LRRTM4: variants seen among roughly 807,000 people sequenced by gnomAD.
LRRTM4 encodes leucine-rich repeat transmembrane neuronal protein 4.
In LRRTM4, 25 loss-of-function variants were observed where a neutral mutation model predicts 47.6. The observed-to-expected ratio is 0.53, with a 90% CI of 0.38 to 0.73. The LOEUF (loss-of-function observed/expected upper bound fraction) is 0.73. Ranked by LOEUF, LRRTM4 falls within the 30% of genes least tolerant of loss-of-function variation. The probability of loss-of-function intolerance (pLI) is 0.00; values close to 1 mark genes in which losing one functional copy is unlikely to be tolerated. For synonymous variants in LRRTM4, 311 were observed against 269.5 expected, an observed-to-expected ratio of 1.15 and a Z score of -1.51; for missense variants, 638 against 713.4, an observed-to-expected ratio of 0.89 and a Z score of 1.20.
chr2:77,227,820 A>C lies in LRRTM4; in HGVS notation c.1551+290498T>G, dbSNP rs570247356. On this transcript the variant is annotated intron_variant, in intron 3 of 3. Transcript: ENST00000409884. ...GTTATTCTACAACCAGGATTGTTTT[A>C]ATAAATATAGTTTCTAGTCATTAAA... Among the ~76,000 whole-genome samples, 3 of 152,214 alleles carry C rather than the reference A, an allele frequency of 2.0e-5. No individual in the cohort carries two copies. In the East Asian group the frequency reaches 5.8e-4, roughly 29 times the overall value.
intron 3 of LRRTM4, among the ~76,000 whole-genome samples, chr2:77,166,353 T>A (rs543826664): frequency 1.3e-5 from 2 of 152,276 alleles, no homozygotes; most frequent in East Asian, 1.9e-4. Flanking sequence ...ATAGGAAGAA[T>A]GAATTATTGT....
chr2:77,456,826 T>C (rs1344191684), intron 3 of LRRTM4, among the ~76,000 whole-genome samples: 2 of 151,564 alleles, frequency 1.3e-5, no homozygotes, highest in Non-Finnish European at 2.9e-5. Flanking sequence ...TGAAATACTT[T>C]CTTCTCTAAT....
At chr2:77,239,242 T>C (rs1675194238) in intron 3 of LRRTM4, among the ~76,000 whole-genome samples, 1 of 151,950 alleles carries the variant, frequency 6.6e-6, no homozygotes, top group Admixed American at 6.6e-5. Flanking sequence ...CTAGTGTGCA[T>C]ACTACATGGA....
At chr2:77,384,362 A>C (rs985663812) in intron 3 of LRRTM4, among the ~76,000 whole-genome samples, 1 of 151,868 alleles carries the variant, frequency 6.6e-6, no homozygotes, top group African/African-American at 2.4e-5. Flanking sequence ...AAGTTATTTG[A>C]CTATTCAAAA....
intron 3 of LRRTM4, among the ~76,000 whole-genome samples, chr2:76,789,771 G>C (rs1430542051): frequency 6.6e-6 from 1 of 152,148 alleles, no homozygotes; most frequent in Non-Finnish European, 1.5e-5. Context: ...CAAAGAGATG[G>C]AAGTCACAGA....
At chr2:77,515,531 T>A (rs1679173486) in intron 3 of LRRTM4, among the ~76,000 whole-genome samples, 1 of 151,782 alleles carries the variant, frequency 6.6e-6, no homozygotes. Context: ...TCTTAGAAAA[T>A]TAGCATTTGG....
intron 3 of LRRTM4, among the ~76,000 whole-genome samples, chr2:77,205,163 G>T (rs953817264): frequency 6.6e-6 from 1 of 152,180 alleles, no homozygotes; most frequent in Non-Finnish European, 1.5e-5. Context: ...GAAGATATTT[G>T]AGTACCACTT....
chr2:77,287,863 G>A lies in LRRTM4; in HGVS notation c.1551+230455C>T, dbSNP rs1275682409. Among the ~76,000 whole-genome samples the A allele has an allele frequency of 2.6e-5, 4 of 152,178 alleles. No homozygotes were observed. The East Asian group carries it at 7.7e-4, about 29-fold the overall frequency. ...AGGAAAAACAACATAGTATACATAGGGTTTGGTACTATCCGTGCCTTGGGC... is the reference window on the plus strand; with the variant it reads ...AGGAAAAACAACATAGTATACATAGAGTTTGGTACTATCCGTGCCTTGGGC... On this transcript the variant is annotated intron_variant, in intron 3 of 3. Transcript: ENST00000409884.
chr2:76,773,233 C>A (rs1470007013), intron 3 of LRRTM4, among the ~76,000 whole-genome samples: 1 of 152,222 alleles, frequency 6.6e-6, no homozygotes, highest in African/African-American at 2.4e-5. Flanking sequence ...CCCCAAGTAG[C>A]AAACCCAGAT....
intron 3 of LRRTM4, among the ~76,000 whole-genome samples, chr2:76,825,011 C>A (rs553690324): frequency 6.6e-6 from 1 of 151,616 alleles, no homozygotes; most frequent in Non-Finnish European, 1.5e-5. Context: ...TTTTACTAAG[C>A]ATTTATAATG....
At chr2:77,340,236 G>A (rs1350601304) in intron 3 of LRRTM4, among the ~76,000 whole-genome samples, 1 of 151,784 alleles carries the variant, frequency 6.6e-6, no homozygotes, top group Non-Finnish European at 1.5e-5. Context: ...GCAACATAGA[G>A]TGGTGGTTGA....
chr2:77,086,706 G>T (rs1680729280), intron 3 of LRRTM4, among the ~76,000 whole-genome samples: 1 of 151,918 alleles, frequency 6.6e-6, no homozygotes, highest in African/African-American at 2.4e-5. Context: ...CACTGGCCAG[G>T]CTGGTGGCGA....
At chr2:77,475,994 C>A (rs1573464850) in intron 3 of LRRTM4, among the ~76,000 whole-genome samples, 1 of 152,042 alleles carries the variant, frequency 6.6e-6, no homozygotes, top group African/African-American at 2.4e-5. Context: ...TACCTTATCT[C>A]TTTCCTTATA....
intron 3 of LRRTM4, among the ~76,000 whole-genome samples, chr2:76,801,651 A>ACATGTGCACATGTACC (rs1675690486): frequency 6.6e-6 from 1 of 151,972 alleles, no homozygotes; most frequent in Non-Finnish European, 1.5e-5. Context: ...GTACCCTAAA[A>ACATGTGCACATGTACC]CTTAAAGTAT....
intron 3 of LRRTM4, among the ~76,000 whole-genome samples, chr2:77,323,813 C>A (rs570308431): frequency 1.3e-5 from 2 of 152,196 alleles, no homozygotes; most frequent in African/African-American, 2.4e-5. Flanking sequence ...CACTATCTAG[C>A]TGTGTGGTCT....
At chr2:77,001,208 T>C (rs1038344278) in intron 3 of LRRTM4, among the ~76,000 whole-genome samples, 3 of 151,762 alleles carry the variant, frequency 2.0e-5, no homozygotes, top group Admixed American at 6.6e-5. Context: ...CAGCCCTCCT[T>C]AAAATCTACA....
At chr2:77,058,552 C>T (rs1240438525) in intron 3 of LRRTM4, among the ~76,000 whole-genome samples, 1 of 151,586 alleles carries the variant, frequency 6.6e-6, no homozygotes, top group Non-Finnish European at 1.5e-5. Flanking sequence ...TTCATCTCTT[C>T]TTCTATTTAT....
At chr2:76,868,108 C>T (rs1005290664) in intron 3 of LRRTM4, among the ~76,000 whole-genome samples, 1 of 152,148 alleles carries the variant, frequency 6.6e-6, no homozygotes, top group Non-Finnish European at 1.5e-5. Flanking sequence ...GTGAGTGTCA[C>T]AAACTGAATC....
intron 3 of LRRTM4, among the ~76,000 whole-genome samples, chr2:77,369,398 A>C (rs1318748349): frequency 6.6e-6 from 1 of 151,700 alleles, no homozygotes; most frequent in Non-Finnish European, 1.5e-5. Flanking sequence ...GGAGTGGAGA[A>C]AATGGGGAGA....
Sources: gnomAD v4.1 joint callset for allele counts (sites outside exome capture counted in the v4.1 genomes callset) on GRCh38, gnomAD v4.1.1 for gene constraint, MANE v1.5 for transcripts, NCBI Gene and HGNC (gene_info 2026-07-23, HGNC 2026-07-21) for gene names.